Variants in PCSK6 observed in about 807,000 individuals in gnomAD.
PCSK6 encodes the protein proprotein convertase subtilisin/kexin type 6, also known as paired basic amino acid cleaving enzyme 4.
PCSK6 carries 85 observed loss-of-function variants against 123.3 expected under a neutral mutation model. That is an observed-to-expected ratio of 0.69 (90% CI 0.58 to 0.83). The LOEUF is 0.83. Ranked by LOEUF, PCSK6 falls within the 40% of genes least tolerant of loss-of-function variation. The pLI is 0.00. For missense variants in PCSK6, 1,191 were observed against 1,282.3 expected, an observed-to-expected ratio of 0.93 and a Z score of 1.09; for synonymous variants, 508 against 516.0, an observed-to-expected ratio of 0.98 and a Z score of 0.21.
intron 1 of PCSK6, among the ~76,000 whole-genome samples, chr15:101,476,127 C>T (rs555344725): frequency 8.5e-4 from 130 of 152,184 alleles, no homozygotes; most frequent in Non-Finnish European, 2.5e-4. Flanking sequence ...TTTGTTTCCA[C>T]ATCTGTAAAA....
intron 1 of PCSK6, among the ~76,000 whole-genome samples, chr15:101,461,852 A>G (rs1247839635): frequency 6.6e-6 from 1 of 152,212 alleles, no homozygotes; most frequent in African/African-American, 2.4e-5. Flanking sequence ...AAAAACAAAC[A>G]GCAAATATCA....
chr15:101,480,075 C>T (rs897846818), intron 1 of PCSK6, among the ~76,000 whole-genome samples: 5 of 152,200 alleles, frequency 3.3e-5, no homozygotes, highest in African/African-American at 9.6e-5. Flanking sequence ...CTTGCAGGAA[C>T]GTGAGTGATG....
At chr15:101,324,761 G>A in intron 17 of PCSK6, 89 bp downstream of exon 17, 1 of 1,099,790 alleles carries the variant, frequency 9.1e-7, no homozygotes, top group Admixed American at 2.1e-5. Context: ...GGAAGCAGAA[G>A]GCTGGGAAAT....
At chr15:101,409,640 A>AT (rs1462272948) in intron 6 of PCSK6, among the ~76,000 whole-genome samples, 2 of 151,302 alleles carry the variant, frequency 1.3e-5, no homozygotes, top group Non-Finnish European at 2.9e-5. Context: ...CCCTCATGAC[A>AT]CCCCTCCTGC....
chr15:101,350,640 G>T (rs947669625), intron 13 of PCSK6, among the ~76,000 whole-genome samples: 4 of 152,198 alleles, frequency 2.6e-5, no homozygotes, highest in African/African-American at 9.7e-5. Flanking sequence ...GAAGAATGAG[G>T]CCAATGAAAA....
At chr15:101,449,164 A>G (rs1192466193) in intron 1 of PCSK6, among the ~76,000 whole-genome samples, 1 of 152,188 alleles carries the variant, frequency 6.6e-6, no homozygotes, top group Admixed American at 6.5e-5. Context: ...ATAAAATGGC[A>G]TCATATTTGC....
chr15:101,318,679 A>G (rs756142554), intron 18 of PCSK6, among the ~76,000 whole-genome samples: 14 of 152,232 alleles, frequency 9.2e-5, no homozygotes, highest in Non-Finnish European at 2.9e-5. Context: ...TGACCCAGTG[A>G]TAGCTTTTTC....
chr15:101,346,708 C>CT, intron 13 of PCSK6: 1 of 1,196,576 alleles, frequency 8.4e-7, no homozygotes, highest in Non-Finnish European at 1.0e-6. Flanking sequence ...AGAGAGCTCT[C>CT]CCTCTTCCTC....
At chr15:101,477,808 C>T (rs1030780990) in intron 1 of PCSK6, among the ~76,000 whole-genome samples, 11 of 152,220 alleles carry the variant, frequency 7.2e-5, no homozygotes, top group Non-Finnish European at 4.4e-5. Flanking sequence ...GCAGGAAACA[C>T]AGGGTTCTGG....
At chr15:101,317,091 T>C (rs1944521307) in intron 19 of PCSK6, among the ~76,000 whole-genome samples, 1 of 152,022 alleles carries the variant, frequency 6.6e-6, no homozygotes, top group South Asian at 2.1e-4. Context: ...TTTGTATTTT[T>C]AGTAGAGATG....
chr15:101,470,300 G>A (rs1267695721), intron 1 of PCSK6, among the ~76,000 whole-genome samples: 2 of 152,064 alleles, frequency 1.3e-5, no homozygotes, highest in Non-Finnish European at 2.9e-5. Flanking sequence ...TCTTTATAAT[G>A]TAATTAGTGT....
rs182869482 is a variant in PCSK6, at chr15:101,385,005, C to T, written c.1311-580G>A. On this transcript the variant is annotated intron_variant, in intron 9 of 21. Transcript: ENST00000611716. ...AGATGATTTTTTAAAATTTCTAAGA[C>T]ACATTTGCTCACCCCTGCTTTTTGT... 3.3e-5 allele frequency among the ~76,000 whole-genome samples: 5 copies of T among 152,278 alleles called. No individual in the cohort carries two copies. The East Asian group carries it at 9.6e-4, about 29-fold the overall frequency.
intron 1 of PCSK6, among the ~76,000 whole-genome samples, chr15:101,478,289 A>G (rs767144803): frequency 5.9e-5 from 9 of 152,184 alleles, no homozygotes; most frequent in Non-Finnish European, 8.8e-5. Flanking sequence ...CCTGGCAGAC[A>G]GCCAAGACTG....
intron 5 of PCSK6, among the ~76,000 whole-genome samples, chr15:101,429,649 G>GTCT (rs1416431478): frequency 1.3e-5 from 2 of 152,238 alleles, no homozygotes; most frequent in African/African-American, 4.8e-5. Context: ...CCAAACTGCT[G>GTCT]TCTTCACACA....
chr15:101,424,850 G>A (rs74749767), intron 6 of PCSK6, among the ~76,000 whole-genome samples: 7,773 of 152,270 alleles, frequency 0.051, 239 homozygotes, highest in East Asian at 0.14. Context: ...TGATAACAGG[G>A]ATATTTTTTA....
intron 2 of PCSK6, among the ~76,000 whole-genome samples, chr15:101,437,592 A>C (rs936763578): frequency 6.6e-6 from 1 of 152,200 alleles, no homozygotes; most frequent in Non-Finnish European, 1.5e-5. Context: ...CTTTCCATTG[A>C]AGTTAAACTA....
intron 1 of PCSK6, among the ~76,000 whole-genome samples, chr15:101,467,798 T>C (rs866406572): frequency 6.6e-6 from 1 of 152,154 alleles, no homozygotes; most frequent in Non-Finnish European, 1.5e-5. Flanking sequence ...ATTCCCACAG[T>C]GCTCAAAACC....
intron 13 of PCSK6, among the ~76,000 whole-genome samples, chr15:101,344,019 T>A (rs541935378): frequency 6.6e-6 from 1 of 152,028 alleles, no homozygotes; most frequent in African/African-American, 2.4e-5. Context: ...GAGGTTGCAG[T>A]GAGCCGAGAT....
At chr15:101,457,173 A>AAAAT (rs1221256732) in intron 1 of PCSK6, among the ~76,000 whole-genome samples, 132 of 152,156 alleles carry the variant, frequency 8.7e-4, no homozygotes, top group African/African-American at 2.7e-3. Context: ...TTCCATCTCA[A>AAAAT]AAATAAATAA....
Sources: allele counts gnomAD v4.1 joint callset (sites outside exome capture counted in the v4.1 genomes callset), GRCh38; gene constraint gnomAD v4.1.1; transcripts MANE v1.5; gene names NCBI Gene and HGNC (gene_info 2026-07-23, HGNC 2026-07-21).